Variants in CERS1 observed in about 807,000 individuals in gnomAD.
The protein encoded by CERS1 is Embryonic growth/differentiation factor 1.
A neutral mutation model predicts 35.7 loss-of-function variants in CERS1; 16 were observed. The ratio of observed to expected loss-of-function variants is 0.45; its 90% CI spans 0.30 to 0.68. The LOEUF is 0.68. Among genes scored for constraint, CERS1 ranks in the 30% least tolerant of loss-of-function variants. The pLI, the probability that CERS1 is intolerant of heterozygous loss-of-function variation, is 0.08. For missense variants in CERS1, 454 were observed against 453.9 expected (o/e 1.00, Z 0.00); for synonymous variants, 243 against 201.6 (o/e 1.21, Z -1.74).
In CERS1 at chr19:18,895,590, C is replaced by T. The variant is rs918067166; in HGVS notation, c.249+234G>A. On this transcript the variant is annotated intron_variant, in intron 1 of 7. Transcript: ENST00000623882. The surrounding 1 kb of genome is among the most constrained non-coding windows in gnomAD (Gnocchi z 6.4). ...AGCCCGGCCACACCCCCGCATCTAC[C>T]CGGTTCCCCCACGCAGCACTGTCTG... Among the ~76,000 whole-genome samples, 4 of 151,800 alleles carry T rather than the reference C, an allele frequency of 2.6e-5. No individual in the cohort carries two copies. The highest frequency in any genetic ancestry group is 5.9e-5 in the Non-Finnish European group (4 of 67,900).
Position 18,868,810 on chromosome 19 carries a change from C to A in CERS1, c.*1175G>T. 1 of 1,458,412 alleles carries A rather than the reference C, an allele frequency of 6.9e-7. No individual in the cohort carries two copies. Among genetic ancestry groups the A allele is most frequent in the Non-Finnish European group, 9.1e-7 (1 of 1,095,110 alleles). The allele number at this position is 1,458,412 out of a possible 1,614,324, so 90.3% of individuals were successfully genotyped here. A position where few individuals can be genotyped will look rare whatever the true frequency, so the allele number is the denominator to read the frequency against. ...CCCCGGACCCCGACAGCGCGACGGG[C>A]AGCGCGCACTGACCCTGGCAGTAGT... On this transcript the variant is annotated 3_prime_UTR_variant, in exon 8 of 8. Transcript: ENST00000623882.
intron 2 of CERS1, among the ~76,000 whole-genome samples, chr19:18,886,839 T>C (rs965450813): frequency 6.6e-6 from 1 of 152,110 alleles, no homozygotes; most frequent in African/African-American, 2.4e-5. Flanking sequence ...AGGACCCCCA[T>C]CCAGGGTCCC....
At position 18,869,176 on chromosome 19, in the gene CERS1, C is replaced by T; in HGVS notation, c.*809G>A. ...CGGGCACCAACTGGCGGAGCAGCAC[C>T]GGCCCGGGGTCCGCGCCCGCGCCCT... On this transcript the variant is annotated 3_prime_UTR_variant, in exon 8 of 8. Transcript: ENST00000623882. 8.7e-7 allele frequency: 1 copy of T among 1,154,882 alleles called. No homozygotes were observed. The highest frequency in any genetic ancestry group is 1.1e-6 in the Non-Finnish European group (1 of 939,662). The allele number at this position is 1,154,882 out of a possible 1,614,324, so 71.5% of individuals were successfully genotyped here.
chr19:18,869,291 G>C lies in CERS1; in HGVS notation c.*694C>G. The stretch of plus-strand genomic sequence containing the variant: ...ACGCAGCTCCAGGCGGGCCCGGCTC[G>C]GGCGCTCAGCGGGTTCCACAGCCGA... On this transcript the variant is annotated 3_prime_UTR_variant, in exon 8 of 8. Transcript: ENST00000623882. The C allele has an allele frequency of 3.3e-6, 5 of 1,507,800 alleles. No homozygotes were observed. Among genetic ancestry groups the C allele is most frequent in the East Asian group, 2.7e-5 (1 of 36,684 alleles). 93.4% of individuals were successfully genotyped at this position (1,507,800 alleles called of 1,614,324 possible).
chr19:18,889,185 C>A (rs1228400341), intron 2 of CERS1, among the ~76,000 whole-genome samples: 1 of 152,046 alleles, frequency 6.6e-6, no homozygotes, highest in Non-Finnish European at 1.5e-5. Context: ...AGCCACTGCA[C>A]CCGGCCCACT....
chr19:18,895,943 G>GC lies in CERS1; in HGVS notation c.129dup (p.Leu44AlafsTer8). On this transcript the variant is annotated frameshift_variant, in exon 1 of 8. Transcript: ENST00000623882. LOFTEE classifies it high-confidence loss of function. This position sits in a 1 kb window ranked among gnomAD's most constrained non-coding sequence, Gnocchi z 6.4. Reference sequence around the variant, plus strand: ...TGCTCAGCCAGGCCGCGACGCGCCAGCCCCCAGCCGCAGTCCGTGCAGCCC... The same window carrying GC: ...TGCTCAGCCAGGCCGCGACGCGCCAGCCCCCCAGCCGCAGTCCGTGCAGCCC... 2 of 1,169,600 alleles carry GC rather than the reference G, an allele frequency of 1.7e-6. No individual in the cohort carries two copies. The highest frequency in any genetic ancestry group is 4.5e-5 in the Admixed American group (1 of 22,300). The allele number at this position is 1,169,600 out of a possible 1,614,324, so 72.5% of individuals were successfully genotyped here.
At chr19:18,879,455 TC>T in intron 4 of CERS1, 67 bp from the exon 5 acceptor site, 2 of 1,527,226 alleles carry the variant, frequency 1.3e-6, no homozygotes, top group Non-Finnish European at 1.8e-6. Flanking sequence ...CCCTGTCCTA[TC>T]CCGTCCTAGA....
rs1490229196 is a variant in CERS1, at chr19:18,895,904, G to A, written c.169C>T (p.Pro57Ser). 1 of 1,252,390 alleles carries A rather than the reference G, an allele frequency of 8.0e-7. No individual in the cohort carries two copies. The highest frequency in any genetic ancestry group is 1.0e-6 in the Non-Finnish European group (1 of 997,530). The allele number at this position is 1,252,390 out of a possible 1,614,324, so 77.6% of individuals were successfully genotyped here. The change falls in exon 1 of 8, where the codon CCG becomes TCG. Residue 57 changes from proline to serine, a missense_variant. Physicochemically the swap from Pro to Ser is moderately conservative, Grantham distance 74 (BLOSUM62 -1). Coordinates refer to ENST00000623882, the MANE Select transcript of CERS1 (RefSeq NM_021267.5). The surrounding 1 kb of genome is among the most constrained non-coding windows in gnomAD (Gnocchi z 6.4). ...RGLAEHAHLA[P>S]PELLLLALGA... Reference sequence around the variant, plus strand: ...AGCGCCAGCAGCAGCAGCTCGGGCGGCGCCAGGTGCGCGTGCTCAGCCAGG... The same window carrying A: ...AGCGCCAGCAGCAGCAGCTCGGGCGACGCCAGGTGCGCGTGCTCAGCCAGG...
At chr19:18,871,947 G>A (rs910092457) in intron 6 of CERS1, among the ~76,000 whole-genome samples, 3 of 152,140 alleles carry the variant, frequency 2.0e-5, no homozygotes, top group African/African-American at 4.8e-5. Context: ...TTTCTGCATC[G>A]ACACCTTTGG....
rs571126746 is a variant in CERS1 at position 18,868,922 on chromosome 19, C to T, written c.*1063G>A. On this transcript the variant is annotated 3_prime_UTR_variant, in exon 8 of 8. Coordinates refer to ENST00000623882, the MANE Select transcript of CERS1 (RefSeq NM_021267.5). ...GTACAGCCGCCGCGCGCGACAAGCG[C>T]CCCCGGGGCCGCCGCCCAACACGGG... 1.2e-4 allele frequency: 154 copies of T among 1,336,800 alleles called. 1 individual carries two copies. Among genetic ancestry groups the T allele is most frequent in the South Asian group, 7.4e-4 (53 of 71,146 alleles). 82.8% of individuals were successfully genotyped at this position (1,336,800 alleles called of 1,614,324 possible). A position where few individuals can be genotyped will look rare whatever the true frequency, so the allele number is the denominator to read the frequency against.
rs1299543493 is a variant in CERS1 at position 18,886,110 on chromosome 19, A to C, written c.410-1843T>G. On this transcript the variant is annotated intron_variant, in intron 2 of 7. Coordinates refer to ENST00000623882, the MANE Select transcript of CERS1 (RefSeq NM_021267.5). ...CCAGAGGCTGCCAGACACCAAATTC[A>C]AGGGCTATGCTCTGGACGGGCACGG... 4.7e-3 allele frequency among the ~76,000 whole-genome samples: 707 copies of C among 151,318 alleles called. 14 individuals carry two copies. Among genetic ancestry groups the C allele is most frequent in the African/African-American group, 0.017 (688 of 40,782 alleles).
chr19:18,888,528 A>C (rs1568304669), intron 2 of CERS1, among the ~76,000 whole-genome samples: 1 of 147,982 alleles, frequency 6.8e-6, no homozygotes, highest in African/African-American at 2.5e-5. Flanking sequence ...TTAAAAAAAA[A>C]AAAAAAAAAA....
chr19:18,878,743 T>C lies in CERS1; in HGVS notation c.1010+187A>G. The C allele has an allele frequency of 7.1e-7, 1 of 1,410,868 alleles. No homozygotes were observed. Among genetic ancestry groups the C allele is most frequent in the Non-Finnish European group, 9.3e-7 (1 of 1,080,762 alleles). 87.4% of individuals were successfully genotyped at this position (1,410,868 alleles called of 1,614,324 possible). ...AGCCTCTCCCTCCCCTTCCTCACTG[T>C]CCTGTCCTTCAGGGTACTGGCCACA... On this transcript the variant is annotated intron_variant, in intron 6 of 7. Coordinates refer to ENST00000623882, the MANE Select transcript of CERS1 (RefSeq NM_021267.5). The surrounding 1 kb of genome is among the most constrained non-coding windows in gnomAD (Gnocchi z 4.6).
chr19:18,895,686 C>T lies in CERS1; in HGVS notation c.249+138G>A. 1 of 357,546 alleles carries T rather than the reference C, an allele frequency of 2.8e-6. No homozygotes were observed. The highest frequency in any genetic ancestry group is 4.5e-6 in the Non-Finnish European group (1 of 223,270). The allele number at this position is 357,546 out of a possible 1,614,324, so 22.1% of individuals were successfully genotyped here. ...CGTCCTGGGCCTCTCCAGCCCGAGGCCCCCACCCACGTTCCGGCGACCCCT... is the reference window on the plus strand; with the variant it reads ...CGTCCTGGGCCTCTCCAGCCCGAGGTCCCCACCCACGTTCCGGCGACCCCT... On this transcript the variant is annotated intron_variant, in intron 1 of 7. Coordinates refer to ENST00000623882, the MANE Select transcript of CERS1 (RefSeq NM_021267.5). The surrounding 1 kb of genome is among the most constrained non-coding windows in gnomAD (Gnocchi z 6.4).
At chr19:18,883,956 A>AC in intron 3 of CERS1, 131 bp downstream of exon 3, 1 of 968,382 alleles carries the variant, frequency 1.0e-6, no homozygotes, top group Non-Finnish European at 1.5e-6. Flanking sequence ...GAGCACTCTG[A>AC]CCTTGGAACC....
Position 18,869,245 on chromosome 19 carries a change from TGCCGCCGCC to T in CERS1, c.*731_*739del, listed in dbSNP as rs571387097. ...TCAGCTCCCAGCCGCCCTCCGGGGC[TGCCGCCGCC>T]GCCGCCGCGAAACGCAGCTCCAGGC... On this transcript the variant is annotated 3_prime_UTR_variant, in exon 8 of 8. Transcript: ENST00000623882. 2.3e-5 allele frequency: 33 copies of T among 1,428,202 alleles called. No individual in the cohort carries two copies. The highest frequency in any genetic ancestry group is 5.8e-5 in the Admixed American group (2 of 34,422). The allele number at this position is 1,428,202 out of a possible 1,614,324, so 88.5% of individuals were successfully genotyped here. A position where few individuals can be genotyped will look rare whatever the true frequency, so the allele number is the denominator to read the frequency against.
intron 2 of CERS1, among the ~76,000 whole-genome samples, chr19:18,890,639 G>A (rs1211373258): frequency 6.6e-6 from 1 of 151,682 alleles, no homozygotes; most frequent in Non-Finnish European, 1.5e-5. Context: ...AAATTCGCTG[G>A]GGGTGGTGGC....
chr19:18,872,160 C>G (rs745467889), intron 6 of CERS1, among the ~76,000 whole-genome samples: 1 of 152,232 alleles, frequency 6.6e-6, no homozygotes, highest in South Asian at 2.1e-4. Flanking sequence ...TTAGCATCCT[C>G]GGTGATGGGT....
intron 6 of CERS1, among the ~76,000 whole-genome samples, chr19:18,873,524 C>CCAT (rs2056011205): frequency 6.6e-6 from 1 of 151,586 alleles, no homozygotes; most frequent in African/African-American, 2.4e-5. Flanking sequence ...CAGTGAGACC[C>CCAT]CATCTCTACA....
Sources: allele counts gnomAD v4.1 joint callset (sites outside exome capture counted in the v4.1 genomes callset), GRCh38; gene constraint gnomAD v4.1.1; non-coding constraint Gnocchi (gnomAD v3.1); transcripts MANE v1.5; gene names NCBI Gene and HGNC (gene_info 2026-07-23, HGNC 2026-07-21).